ABLIM1: variants seen among roughly 807,000 people sequenced by gnomAD.
ABLIM1 encodes actin binding LIM protein 1, also known as actin-binding LIM protein 1.
Under a neutral mutation model 107.0 loss-of-function variants are expected in ABLIM1, and 40 were observed. That is an observed-to-expected ratio of 0.37 (90% CI 0.29 to 0.49). The LOEUF is 0.49. ABLIM1 is among the 20% of genes least tolerant of loss of function. The probability of loss-of-function intolerance (pLI) is 0.97; values close to 1 mark genes in which losing one functional copy is unlikely to be tolerated. For synonymous variants in ABLIM1, 357 were observed against 357.3 expected (o/e 1.00, Z 0.01); for missense variants, 857 against 1,008.5 (o/e 0.85, Z 2.04).
At chr10:114,736,431 G>A (rs907794962) in intron 1 of ABLIM1, among the ~76,000 whole-genome samples, 3 of 152,216 alleles carry the variant, frequency 2.0e-5, no homozygotes, top group Admixed American at 6.5e-5. Flanking sequence ...AAACAACAAC[G>A]CTAAGCTACC....
intron 1 of ABLIM1, among the ~76,000 whole-genome samples, chr10:114,708,841 T>C (rs922473745): frequency 6.6e-6 from 1 of 152,194 alleles, no homozygotes; most frequent in Non-Finnish European, 1.5e-5. Context: ...TCCTCATCTT[T>C]ATCCACATGG....
chr10:114,451,366 C>T (rs1018996179), intron 14 of ABLIM1, among the ~76,000 whole-genome samples: 9 of 152,186 alleles, frequency 5.9e-5, no homozygotes, highest in African/African-American at 2.2e-4. Context: ...CAGTACTTCC[C>T]CTTCTCTAGG....
At chr10:114,485,459 CA>C in intron 8 of ABLIM1, 1 of 1,303,620 alleles carries the variant, frequency 7.7e-7, no homozygotes. Context: ...AAAAATAAAA[CA>C]AAACAACAAC....
intron 6 of ABLIM1, among the ~76,000 whole-genome samples, chr10:114,511,839 G>A (rs954723529): frequency 3.9e-5 from 6 of 152,162 alleles, no homozygotes; most frequent in African/African-American, 1.4e-4. Context: ...TCCCCTTCCA[G>A]CTGTTCGGAG....
intron 1 of ABLIM1, among the ~76,000 whole-genome samples, chr10:114,606,392 T>C (rs10787541): frequency 0.71 from 106,993 of 151,740 alleles, 38,160 homozygotes; most frequent in East Asian, 0.88. Flanking sequence ...CACACCTCCA[T>C]GCCCAGCTAA....
chr10:114,660,279 T>G (rs1566195135), upstream of ABLIM1, among the ~76,000 whole-genome samples: 1 of 152,172 alleles, frequency 6.6e-6, no homozygotes, highest in Non-Finnish European at 1.5e-5. Flanking sequence ...ATATACAATG[T>G]AAGATGTTCT....
intron 1 of ABLIM1, among the ~76,000 whole-genome samples, chr10:114,608,486 A>G (rs1249371709): frequency 1.3e-5 from 2 of 151,942 alleles, no homozygotes; most frequent in East Asian, 1.9e-4. Flanking sequence ...CCTGACCAAC[A>G]TAGAGAAACC....
intron 1 of ABLIM1, among the ~76,000 whole-genome samples, chr10:114,604,189 C>T (rs1488021708): frequency 2.6e-5 from 4 of 152,128 alleles, no homozygotes; most frequent in Non-Finnish European, 4.4e-5. Context: ...GATAAGGAAA[C>T]AGAGCCGCAG....
At chr10:114,569,980 T>G (rs2071409576) in intron 4 of ABLIM1, among the ~76,000 whole-genome samples, 1 of 152,392 alleles carries the variant, frequency 6.6e-6, no homozygotes, top group East Asian at 1.9e-4. Context: ...CAGAACATTC[T>G]TCTTTTTAAC....
intron 1 of ABLIM1, among the ~76,000 whole-genome samples, chr10:114,643,342 C>T (rs1410374452): frequency 2.0e-5 from 3 of 152,094 alleles, no homozygotes; most frequent in African/African-American, 4.8e-5. Context: ...ATGACTGGCA[C>T]CAGACTGTAC....
chr10:114,665,706 C>G (rs556679974), intron 1 of ABLIM1, among the ~76,000 whole-genome samples: 1 of 149,880 alleles, frequency 6.7e-6, no homozygotes, highest in Non-Finnish European at 1.5e-5. Context: ...ATATTAACAG[C>G]CTCTCTCAGC....
chr10:114,506,035 A>T (rs905110672), intron 6 of ABLIM1, among the ~76,000 whole-genome samples: 1 of 152,156 alleles, frequency 6.6e-6, no homozygotes, highest in Non-Finnish European at 1.5e-5. Flanking sequence ...CCCCTCCAGT[A>T]GTCCCTAATG....
chr10:114,605,578 T>A (rs758317597), intron 1 of ABLIM1, among the ~76,000 whole-genome samples: 9 of 152,214 alleles, frequency 5.9e-5, no homozygotes, highest in Admixed American at 1.3e-4. Flanking sequence ...AGTCAATGAT[T>A]TACCCTGGAA....
intron 6 of ABLIM1, among the ~76,000 whole-genome samples, chr10:114,527,889 G>A (rs2065018570): frequency 6.8e-6 from 1 of 147,724 alleles, no homozygotes; most frequent in South Asian, 2.1e-4. Context: ...CCACGCTAGA[G>A]TGCAGTGGCG....
At chr10:114,574,894 A>G (rs1591326815) in intron 3 of ABLIM1, among the ~76,000 whole-genome samples, 1 of 152,278 alleles carries the variant, frequency 6.6e-6, no homozygotes, top group East Asian at 1.9e-4. Context: ...CTCTGTCGCA[A>G]TGACTCAACT....
chr10:114,441,810 C>A (rs767608524), intron 17 of ABLIM1, 24 bp from the exon 18 acceptor site: 28 of 1,599,842 alleles, frequency 1.8e-5, no homozygotes, highest in Admixed American at 1.7e-5. Flanking sequence ...AAGTAAAAAA[C>A]CAATTGTTAG....
At chr10:114,456,592 T>C (rs2062864888) in intron 12 of ABLIM1, among the ~76,000 whole-genome samples, 1 of 152,208 alleles carries the variant, frequency 6.6e-6, no homozygotes, top group Admixed American at 6.5e-5. Flanking sequence ...TTGGTTATAA[T>C]ACACAATCAA....
At chr10:114,443,222 C>G (rs1419542210) in intron 17 of ABLIM1, among the ~76,000 whole-genome samples, 1 of 152,176 alleles carries the variant, frequency 6.6e-6, no homozygotes, top group Non-Finnish European at 1.5e-5. Flanking sequence ...GGGGAAAATA[C>G]ACTGATAGGC....
intron 1 of ABLIM1, among the ~76,000 whole-genome samples, chr10:114,633,038 C>T (rs538099044): frequency 2.6e-5 from 4 of 152,214 alleles, no homozygotes; most frequent in Non-Finnish European, 2.9e-5. Context: ...TACCGGGTCC[C>T]GACCGCATGC....
Sources: allele counts gnomAD v4.1 joint callset (sites outside exome capture counted in the v4.1 genomes callset), GRCh38; gene constraint gnomAD v4.1.1; transcripts MANE v1.5; gene names NCBI Gene and HGNC (gene_info 2026-07-23, HGNC 2026-07-21).